Variants in MROH9 observed in about 807,000 individuals in gnomAD.
MROH9 encodes maestro heat-like repeat-containing protein family member 9.
Under a neutral mutation model 98.2 loss-of-function variants are expected in MROH9, and 92 were observed. The ratio of observed to expected loss-of-function variants is 0.94; its 90% CI spans 0.79 to 1.11. MROH9 has a LOEUF of 1.11. Ranked by LOEUF, MROH9 falls within the 50% of genes most tolerant of loss-of-function variation. The pLI is 0.00. For missense variants in MROH9, 1,057 were observed against 1,014.8 expected (o/e 1.04, Z -0.57); for synonymous variants, 397 against 368.9 (o/e 1.08, Z -0.87).
At chr1:170,967,847 C>T (rs540071463) in intron 7 of MROH9, among the ~76,000 whole-genome samples, 155 of 152,218 alleles carry the variant, frequency 1.0e-3, no homozygotes, top group Non-Finnish European at 1.8e-3. Context: ...TTTTTCCTAG[C>T]TTTGTTCCTT....
intron 15 of MROH9, among the ~76,000 whole-genome samples, chr1:171,002,716 G>A (rs531821380): frequency 1.0e-3 from 158 of 152,206 alleles, no homozygotes; most frequent in African/African-American, 3.5e-3. Context: ...TGGGTAACCC[G>A]ATGACAATGT....
At position 171,025,563 on chromosome 1, in the gene MROH9, C is replaced by T. The variant is rs550643854; in HGVS notation, c.2281+143C>T. 3.9e-4 allele frequency: 231 copies of T among 588,160 alleles called. 4 individuals carry two copies. The South Asian group carries it at 4.6e-3, about 12-fold the overall frequency. The allele number at this position is 588,160 out of a possible 1,614,324, so 36.4% of individuals were successfully genotyped here. A position where few individuals can be genotyped will look rare whatever the true frequency, so the allele number is the denominator to read the frequency against. On this transcript the variant is annotated intron_variant, in intron 20 of 21. Transcript: ENST00000367759. ...TGATGGTGATGAATACAGGTTGATA[C>T]GTGTGATGAGAATAGAGTTCTATTT...
intron 20 of MROH9, among the ~76,000 whole-genome samples, chr1:171,039,182 TTC>T (rs1653212303): frequency 6.6e-6 from 1 of 152,166 alleles, no homozygotes; most frequent in South Asian, 2.1e-4. Context: ...ATTTGTGACT[TTC>T]AAAAAAACAG....
chr1:171,051,907 C>T (rs1042558762), intron 20 of MROH9, among the ~76,000 whole-genome samples: 2 of 152,066 alleles, frequency 1.3e-5, no homozygotes, highest in African/African-American at 4.8e-5. Context: ...TGTTTTGTGC[C>T]TTTGCCATGC....
At chr1:170,980,254 G>A (rs772570378) in intron 8 of MROH9, among the ~76,000 whole-genome samples, 1 of 151,944 alleles carries the variant, frequency 6.6e-6, no homozygotes, top group African/African-American at 2.4e-5. Context: ...ATGTCATATG[G>A]AATCAAAAAA....
intron 8 of MROH9, among the ~76,000 whole-genome samples, chr1:170,975,354 T>G (rs1474067590): frequency 6.6e-6 from 1 of 152,062 alleles, no homozygotes; most frequent in Non-Finnish European, 1.5e-5. Flanking sequence ...ATTTTAGAGA[T>G]AAGAATGCCT....
At chr1:171,036,667 A>C (rs1653107663) in intron 20 of MROH9, among the ~76,000 whole-genome samples, 2 of 152,054 alleles carry the variant, frequency 1.3e-5, no homozygotes, top group South Asian at 4.1e-4. Flanking sequence ...AGAATGGATA[A>C]ATAATTTATG....
chr1:170,936,955 T>C (rs1648908998), intron 1 of MROH9, among the ~76,000 whole-genome samples: 1 of 152,344 alleles, frequency 6.6e-6, no homozygotes, highest in East Asian at 1.9e-4. Context: ...CATCATTTCT[T>C]ACTTTTCAAG....
chr1:170,967,436 C>T (rs1468451534), intron 7 of MROH9, among the ~76,000 whole-genome samples: 1 of 152,162 alleles, frequency 6.6e-6, no homozygotes, highest in Admixed American at 6.5e-5. Flanking sequence ...TCAAAACACA[C>T]TGTTGACAAA....
At chr1:170,999,526 CTA>C (rs57101708) in intron 15 of MROH9, among the ~76,000 whole-genome samples, 38,083 of 149,562 alleles carry the variant, frequency 0.25, 5,950 homozygotes, top group African/African-American at 0.45. Flanking sequence ...AGTATTCCAT[CTA>C]TATATATATA....
chr1:170,975,047 T>C (rs1650625775), intron 8 of MROH9, among the ~76,000 whole-genome samples: 1 of 151,654 alleles, frequency 6.6e-6, no homozygotes, highest in Admixed American at 6.6e-5. Context: ...GAAAATAATT[T>C]AAAATGAGGC....
intron 1 of MROH9, among the ~76,000 whole-genome samples, chr1:170,938,764 C>T (rs891197419): frequency 4.6e-5 from 7 of 152,198 alleles, no homozygotes; most frequent in African/African-American, 1.7e-4. Context: ...GGACAAAATG[C>T]TTCCTCTTCT....
chr1:171,019,757 A>G (rs1652450621), intron 17 of MROH9, among the ~76,000 whole-genome samples: 1 of 152,190 alleles, frequency 6.6e-6, no homozygotes. Flanking sequence ...AAAACAAGAA[A>G]TAACCCAAAT....
chr1:170,949,112 G>T (rs747650293), intron 3 of MROH9, among the ~76,000 whole-genome samples: 2 of 152,150 alleles, frequency 1.3e-5, no homozygotes, highest in Non-Finnish European at 2.9e-5. Context: ...CCTCTTTGAG[G>T]CAAGGAGGTT....
intron 8 of MROH9, 65 bp downstream of exon 8, chr1:170,971,948 A>G: frequency 6.5e-7 from 1 of 1,545,728 alleles, no homozygotes. Flanking sequence ...TTCAACTTAT[A>G]GGTCCTGGGA....
intron 6 of MROH9, 64 bp downstream of exon 6, chr1:170,962,040 T>G: frequency 1.2e-6 from 1 of 861,280 alleles, no homozygotes; most frequent in Admixed American, 3.5e-5. Context: ...TATGCTTCAC[T>G]TTCTTCTCAT....
intron 1 of MROH9, among the ~76,000 whole-genome samples, chr1:170,939,506 T>A (rs1399978799): frequency 6.6e-6 from 1 of 152,238 alleles, no homozygotes; most frequent in African/African-American, 2.4e-5. Flanking sequence ...CCTCTGTCAA[T>A]TGATCATAGG....
chr1:170,995,187 C>G (rs938492245), intron 12 of MROH9, among the ~76,000 whole-genome samples: 2 of 152,060 alleles, frequency 1.3e-5, no homozygotes, highest in Non-Finnish European at 2.9e-5. Flanking sequence ...AGTTCCTTAC[C>G]GTAGTAGGCT....
At chr1:170,998,345 A>C (rs1054189514) in intron 15 of MROH9, 71 bp downstream of exon 15, 3 of 1,612,388 alleles carry the variant, frequency 1.9e-6, no homozygotes, top group East Asian at 4.5e-5. Flanking sequence ...TCAAAATTCC[A>C]GTTTCTCGTA....
Sources: gnomAD v4.1 joint callset for allele counts (sites outside exome capture counted in the v4.1 genomes callset) on GRCh38, gnomAD v4.1.1 for gene constraint, MANE v1.5 for transcripts, NCBI Gene and HGNC (gene_info 2026-07-23, HGNC 2026-07-21) for gene names.